Variants in SBF2 observed in about 807,000 individuals in gnomAD.
The protein encoded by SBF2 is myotubularin-related protein 13.
SBF2 carries 112 observed loss-of-function variants against 225.2 expected under a neutral mutation model. That is an observed-to-expected ratio of 0.50 (90% CI 0.43 to 0.58). The LOEUF (loss-of-function observed/expected upper bound fraction) is 0.58, where lower values mean the gene tolerates loss of function less well. SBF2 is among the 20% of genes least tolerant of loss of function. SBF2 has a pLI of 0.00. For missense variants in SBF2, 1,996 were observed against 2,206.2 expected (o/e 0.90, Z 1.91); for synonymous variants, 763 against 773.3 (o/e 0.99, Z 0.22).
In SBF2 at chr11:10,218,331, C is replaced by T. The variant is rs911718263; in HGVS notation, c.56-24344G>A. 3.1e-5 allele frequency among the ~76,000 whole-genome samples: 3 copies of T among 95,818 alleles called. No homozygotes were observed. The Admixed American group carries it at 3.2e-4, about 10-fold the overall frequency. 62.9% of individuals were successfully genotyped at this position (95,818 alleles called of 152,430 possible). On this transcript the variant is annotated intron_variant, in intron 1 of 39. Coordinates refer to ENST00000256190, the MANE Select transcript of SBF2 (RefSeq NM_030962.4). ...CACAGGAAAGACCCACCCCCCCCCC[C>T]ACCCAATGATTCAATTACCTCCCAC...
Position 9,790,626 on chromosome 11 carries a change from T to TC in SBF2, c.4627dup (p.Glu1543GlyfsTer4). 6.3e-7 allele frequency: 1 copy of TC among 1,590,736 alleles called. No individual in the cohort carries two copies. The highest frequency in any genetic ancestry group is 8.6e-7 in the Non-Finnish European group (1 of 1,159,674). On this transcript the variant is annotated frameshift_variant, in exon 34 of 40. Transcript: ENST00000256190. LOFTEE classifies it high-confidence loss of function. ...CCTCTTGTGCATTCTGTCAATACAT[T>TC]CCCAAATACAGACTCCTTTTTTGGC...
chr11:10,228,795 C>T (rs1426162450), intron 1 of SBF2, among the ~76,000 whole-genome samples: 1 of 152,170 alleles, frequency 6.6e-6, no homozygotes, highest in Non-Finnish European at 1.5e-5. Flanking sequence ...TGTTGTGTCT[C>T]TGCCAGGCTT....
intron 17 of SBF2, among the ~76,000 whole-genome samples, chr11:9,891,837 G>C (rs1222906726): frequency 6.6e-6 from 1 of 152,164 alleles, no homozygotes; most frequent in Non-Finnish European, 1.5e-5. Flanking sequence ...TAAGACAGGC[G>C]ATGTTACAAG....
intron 1 of SBF2, among the ~76,000 whole-genome samples, chr11:10,232,683 C>T (rs906145310): frequency 2.6e-5 from 4 of 151,768 alleles, no homozygotes; most frequent in Non-Finnish European, 5.9e-5. Flanking sequence ...CCTGTCTCAG[C>T]CTCCTGAGCA....
At chr11:9,785,414 C>A in intron 36 of SBF2, 96 bp from the exon 37 acceptor site, 1 of 1,016,392 alleles carries the variant, frequency 9.8e-7, no homozygotes, top group Non-Finnish European at 1.6e-6. Flanking sequence ...AAGGAAAAAA[C>A]TGGACTAATA....
intron 16 of SBF2, 120 bp downstream of exon 16, chr11:9,961,837 C>A: frequency 1.3e-6 from 1 of 790,036 alleles, no homozygotes; most frequent in South Asian, 1.8e-5. Flanking sequence ...GAGATACTGA[C>A]GCTTCATCCT....
intron 6 of SBF2, among the ~76,000 whole-genome samples, chr11:10,016,310 T>C (rs775883579): frequency 6.6e-6 from 1 of 152,144 alleles, no homozygotes; most frequent in Non-Finnish European, 1.5e-5. Flanking sequence ...AGAGGATATA[T>C]GTCTCATAAT....
At chr11:9,781,819 G>A (rs1852027327) in intron 38 of SBF2, among the ~76,000 whole-genome samples, 181 bp from the exon 39 acceptor site, 1 of 152,118 alleles carries the variant, frequency 6.6e-6, no homozygotes, top group African/African-American at 2.4e-5. Context: ...TAGGTGGCTT[G>A]GAGAAAGCAT....
At chr11:9,897,417 T>C (rs1422305115) in intron 16 of SBF2, among the ~76,000 whole-genome samples, 3 of 152,156 alleles carry the variant, frequency 2.0e-5, no homozygotes, top group Non-Finnish European at 2.9e-5. Flanking sequence ...TTTATATTTT[T>C]AGTAGAGACG....
chr11:9,793,110 C>T (rs1255053243), intron 33 of SBF2, among the ~76,000 whole-genome samples: 1 of 151,968 alleles, frequency 6.6e-6, no homozygotes, highest in Non-Finnish European at 1.5e-5. Context: ...AAACATGTTT[C>T]ATAGGATGGA....
chr11:10,229,264 C>T lies in SBF2; in HGVS notation c.56-35277G>A, dbSNP rs1368126960. Among the ~76,000 whole-genome samples the T allele has an allele frequency of 4.6e-5, 7 of 152,204 alleles. No individual in the cohort carries two copies. The South Asian group carries it at 1.0e-3, about 23-fold the overall frequency. ...CAATTTTGTTGATCTTTTCAAAAAA[C>T]CAGCTCCTGGATTCATTGATTTTTT... is the stretch of plus-strand genomic sequence containing the variant. On this transcript the variant is annotated intron_variant, in intron 1 of 39. Coordinates refer to ENST00000256190, the MANE Select transcript of SBF2 (RefSeq NM_030962.4).
At chr11:9,965,051 G>A (rs1033298255) in intron 14 of SBF2, among the ~76,000 whole-genome samples, 29 of 151,774 alleles carry the variant, frequency 1.9e-4, no homozygotes, top group Non-Finnish European at 2.9e-4. Flanking sequence ...AGTCACCAGC[G>A]TCTTATTATT....
In SBF2 at chr11:10,196,854, A is replaced by T. The variant is rs1320041424; in HGVS notation, c.56-2867T>A. Among the ~76,000 whole-genome samples, 10 of 18,556 alleles carry T rather than the reference A, an allele frequency of 5.4e-4. 1 individual carries two copies. Among genetic ancestry groups the T allele is most frequent in the Admixed American group, 2.2e-3 (3 of 1,366 alleles). The allele number at this position is 18,556 out of a possible 152,430, so 12.2% of individuals were successfully genotyped here. A position where few individuals can be genotyped will look rare whatever the true frequency, so the allele number is the denominator to read the frequency against. On this transcript the variant is annotated intron_variant, in intron 1 of 39. Coordinates refer to ENST00000256190, the MANE Select transcript of SBF2 (RefSeq NM_030962.4). The stretch of plus-strand genomic sequence containing the variant: ...CTTGCATAAATATATATATATATAT[A>T]TATATATATATATTTTTTTTTTCCT...
chr11:9,816,943 CCTG>C lies in SBF2; in HGVS notation c.3872_3874del (p.Ala1291del), dbSNP rs772759181. On this transcript the variant is annotated inframe_deletion, in exon 29 of 40. Coordinates refer to ENST00000256190, the MANE Select transcript of SBF2 (RefSeq NM_030962.4). ...ACTGAAGGAGGCCGAGTGATCCTTGCCTGCCAGCCGGGCGCCAACATCAATGAA... is the reference window on the plus strand; with the variant it reads ...ACTGAAGGAGGCCGAGTGATCCTTGCCCAGCCGGGCGCCAACATCAATGAA... 1 of 1,614,176 alleles carries C rather than the reference CCTG, an allele frequency of 6.2e-7. No individual in the cohort carries two copies. The highest frequency in any genetic ancestry group is 1.1e-5 in the South Asian group (1 of 91,084).
chr11:10,169,235 G>A (rs1435017872), intron 2 of SBF2, among the ~76,000 whole-genome samples: 1 of 151,996 alleles, frequency 6.6e-6, no homozygotes, highest in African/African-American at 2.4e-5. Flanking sequence ...ATTGTTGACT[G>A]TAGTCACCCT....
intron 16 of SBF2, among the ~76,000 whole-genome samples, chr11:9,910,619 T>C (rs1862520708): frequency 6.6e-6 from 1 of 151,892 alleles, no homozygotes; most frequent in African/African-American, 2.4e-5. Flanking sequence ...TGGAAGACAG[T>C]GATATGGATG....
intron 19 of SBF2, among the ~76,000 whole-genome samples, chr11:9,854,918 T>C (rs988006629): frequency 9.2e-5 from 14 of 152,184 alleles, no homozygotes; most frequent in African/African-American, 1.2e-4. Context: ...ATGTAAAATA[T>C]AGTTATTGCT....
chr11:10,059,317 A>T (rs1950353319), intron 2 of SBF2, among the ~76,000 whole-genome samples: 1 of 152,224 alleles, frequency 6.6e-6, no homozygotes, highest in African/African-American at 2.4e-5. Context: ...AAAAGCATAG[A>T]GAAAGATCTA....
At position 9,785,235 on chromosome 11, in the gene SBF2, T is replaced by A. The variant is rs1046081421; in HGVS notation, c.5121A>T (p.Pro1707=). The change falls in exon 37 of 40, where the codon CCA becomes CCT. Residue 1707 remains proline (P), a synonymous_variant. Transcript: ENST00000256190. ...SYQKRSLLHL[P]DSSMGEEQNS... is the part of the protein sequence containing the mutation. ...TCTGTTCCTCCCCCATGCTGCTGTC[T>A]GGGAGATGTAGCAGAGACCTCTTCT... The A allele has an allele frequency of 6.2e-7, 1 of 1,614,048 alleles. No individual in the cohort carries two copies. Among genetic ancestry groups the A allele is most frequent in the African/African-American group, 1.3e-5 (1 of 74,922 alleles).
Sources: gnomAD v4.1 joint callset for allele counts (sites outside exome capture counted in the v4.1 genomes callset) on GRCh38, gnomAD v4.1.1 for gene constraint, MANE v1.5 for transcripts, NCBI Gene and HGNC (gene_info 2026-07-23, HGNC 2026-07-21) for gene names.